The following RASSF9 variants were observed in gnomAD, a reference collection of about 807,000 sequenced individuals.
RASSF9 encodes Ras association domain family member 9.
In RASSF9, 18 loss-of-function variants were observed where a neutral mutation model predicts 21.4. That is an observed-to-expected ratio of 0.84 (90% CI 0.58 to 1.25). The LOEUF is 1.25. Among genes scored for constraint, RASSF9 ranks in the 50% most tolerant of loss-of-function variants. The pLI, the probability that RASSF9 is intolerant of heterozygous loss-of-function variation, is 0.00. For synonymous variants in RASSF9, 183 were observed against 179.1 expected (o/e 1.02, Z -0.18); for missense variants, 480 against 503.2 (o/e 0.95, Z 0.44).
chr12:85,827,895 T>A (rs181939819), intron 1 of RASSF9, among the ~76,000 whole-genome samples: 83 of 152,352 alleles, frequency 5.4e-4, no homozygotes, highest in Non-Finnish European at 4.0e-4. Context: ...TCTGTCCATC[T>A]ACCACTGCAT....
At chr12:85,824,716 C>A (rs1880293095) in intron 1 of RASSF9, among the ~76,000 whole-genome samples, 1 of 152,150 alleles carries the variant, frequency 6.6e-6, no homozygotes. Flanking sequence ...ATTGAGTTAG[C>A]CATTCCTTAC....
In RASSF9 at chr12:85,820,203, C is replaced by T. The variant is rs180724434; in HGVS notation, c.48-14241G>A. Among the ~76,000 whole-genome samples the T allele has an allele frequency of 3.9e-5, 6 of 152,228 alleles. No homozygotes were observed. In the East Asian group the frequency reaches 1.2e-3, roughly 29 times the overall value. Reference sequence around the variant, plus strand: ...AAACATATGACTCAAATTTCAGTGTCCATAAAGTTTTATTGAAAACCAGCC... The same window carrying T: ...AAACATATGACTCAAATTTCAGTGTTCATAAAGTTTTATTGAAAACCAGCC... On this transcript the variant is annotated intron_variant, in intron 1 of 1. Transcript: ENST00000361228.
At position 85,805,301 on chromosome 12, in the gene RASSF9, T is replaced by C; in HGVS notation, c.709A>G (p.Met237Val). 6.2e-7 allele frequency: 1 copy of C among 1,613,556 alleles called. No homozygotes were observed. Among genetic ancestry groups the C allele is most frequent in the Non-Finnish European group, 8.5e-7 (1 of 1,179,836 alleles). ...GENYVQDAYL[M>V]PSFSEVEQNL... ...TGCTCAACTTCACTGAAACTGGGCA[T>C]TAAATATGCATCCTGAACATAGTTT... Residue 237 changes from methionine (M) to valine (V), a missense_variant, in exon 2 of 2, where the codon ATG (methionine) becomes GTG (valine). Physicochemically the swap from Met to Val is conservative, Grantham distance 21. Transcript: ENST00000361228.
intron 1 of RASSF9, among the ~76,000 whole-genome samples, chr12:85,808,022 G>A (rs1459889027): frequency 6.6e-6 from 1 of 152,082 alleles, no homozygotes; most frequent in East Asian, 1.9e-4. Context: ...TATTTATATA[G>A]TGCACTCAAA....
At position 85,802,203 on chromosome 12, in the gene RASSF9, A is replaced by T. The variant is rs1284770022; in HGVS notation, c.*2499T>A. On this transcript the variant is annotated 3_prime_UTR_variant, in exon 2 of 2. Coordinates refer to ENST00000361228, the MANE Select transcript of RASSF9 (RefSeq NM_005447.4). Reference sequence around the variant, plus strand: ...AGAATTTATACTTTAACATTTCTATAGATAATAACATTACACTTTCTATCA... The same window carrying T: ...AGAATTTATACTTTAACATTTCTATTGATAATAACATTACACTTTCTATCA... 1 of 152,226 alleles carries T rather than the reference A, an allele frequency of 6.6e-6. No homozygotes were observed. Among genetic ancestry groups the T allele is most frequent in the Non-Finnish European group, 1.5e-5 (1 of 68,034 alleles). The allele number at this position is 152,226 out of a possible 1,614,324, so 9.4% of individuals were successfully genotyped here.
At chr12:85,806,395 G>A (rs1160978640) in intron 1 of RASSF9, among the ~76,000 whole-genome samples, 4 of 150,048 alleles carry the variant, frequency 2.7e-5, no homozygotes, top group Admixed American at 6.6e-5. Flanking sequence ...AAGATTGGCC[G>A]GGTGTGGTGG....
At chr12:85,825,972 T>C (rs1301988340) in intron 1 of RASSF9, among the ~76,000 whole-genome samples, 3 of 152,176 alleles carry the variant, frequency 2.0e-5, no homozygotes, top group African/African-American at 7.2e-5. Flanking sequence ...AACCAGTTTG[T>C]GTTTTGCCTT....
chr12:85,836,109 A>C lies in RASSF9; in HGVS notation c.47+46T>G. The stretch of plus-strand genomic sequence containing the variant: ...TCCAGAGTACACACACAAGACACAC[A>C]CACACACAGAGACACACACACACTT... On this transcript the variant is annotated intron_variant, in intron 1 of 1. Coordinates refer to ENST00000361228, the MANE Select transcript of RASSF9 (RefSeq NM_005447.4). 4 of 1,551,044 alleles carry C rather than the reference A, an allele frequency of 2.6e-6. No homozygotes were observed. The South Asian group carries it at 4.8e-5, about 18-fold the overall frequency.
At chr12:85,833,191 TCAACTAA>T (rs1880488258) in intron 1 of RASSF9, among the ~76,000 whole-genome samples, 1 of 151,862 alleles carries the variant, frequency 6.6e-6, no homozygotes, top group South Asian at 2.1e-4. Context: ...ATATTAAATA[TCAACTAA>T]CCCTTTAAAA....
At chr12:85,808,423 GAAGT>G (rs947726156) in intron 1 of RASSF9, among the ~76,000 whole-genome samples, 20 of 152,134 alleles carry the variant, frequency 1.3e-4, no homozygotes, top group Admixed American at 4.6e-4. Context: ...ATTATATTTT[GAAGT>G]AAGTATGATA....
At position 85,832,310 on chromosome 12, in the gene RASSF9, T is replaced by C. The variant is rs553654143; in HGVS notation, c.47+3845A>G. ...TGGTAATGTTATGCTTCTAGCAAGG[T>C]TTGGTGAAAGTACCAACCAATTCTC... On this transcript the variant is annotated intron_variant, in intron 1 of 1. Transcript: ENST00000361228. Among the ~76,000 whole-genome samples, 3 of 152,008 alleles carry C rather than the reference T, an allele frequency of 2.0e-5. No individual in the cohort carries two copies. The East Asian group carries it at 5.8e-4, about 29-fold the overall frequency.
chr12:85,826,353 G>A (rs1436799486), intron 1 of RASSF9, among the ~76,000 whole-genome samples: 1 of 151,816 alleles, frequency 6.6e-6, no homozygotes, highest in Non-Finnish European at 1.5e-5. Context: ...CGCCTCCATG[G>A]TGACTCTTGA....
At chr12:85,808,174 T>C (rs1879876703) in intron 1 of RASSF9, among the ~76,000 whole-genome samples, 1 of 151,404 alleles carries the variant, frequency 6.6e-6, no homozygotes, top group South Asian at 2.1e-4. Context: ...ATTAACTAAC[T>C]CTTATACTTT....
chr12:85,813,817 C>T (rs573968596), intron 1 of RASSF9, among the ~76,000 whole-genome samples: 2 of 151,724 alleles, frequency 1.3e-5, no homozygotes, highest in Admixed American at 6.6e-5. Context: ...GCTTCTAAAA[C>T]CCATTATATG....
chr12:85,823,225 C>G lies in RASSF9; in HGVS notation c.47+12930G>C, dbSNP rs143035633. Among the ~76,000 whole-genome samples the G allele has an allele frequency of 2.5e-3, 379 of 151,148 alleles. 3 individuals carry two copies. The highest frequency in any genetic ancestry group is 3.8e-3 in the Non-Finnish European group (259 of 67,744). ...AAAAAAAAAAAAAAAAAAATGTCTA[C>G]TGCCTCCACTCATCCTCAGTAGCCA... On this transcript the variant is annotated intron_variant, in intron 1 of 1. Transcript: ENST00000361228.
At chr12:85,826,279 G>C (rs191667840) in intron 1 of RASSF9, among the ~76,000 whole-genome samples, 3 of 152,096 alleles carry the variant, frequency 2.0e-5, no homozygotes, top group Non-Finnish European at 4.4e-5. Flanking sequence ...ATCTAGTCAC[G>C]AATGGTTCTT....
At chr12:85,807,654 C>A (rs1175478846) in intron 1 of RASSF9, among the ~76,000 whole-genome samples, 1 of 151,918 alleles carries the variant, frequency 6.6e-6, no homozygotes, top group Non-Finnish European at 1.5e-5. Flanking sequence ...CGGAGAGGCA[C>A]ACACATGTAT....
chr12:85,810,114 T>C (rs993228446), intron 1 of RASSF9, among the ~76,000 whole-genome samples: 3 of 151,984 alleles, frequency 2.0e-5, no homozygotes, highest in African/African-American at 7.2e-5. Context: ...CAATAAATCA[T>C]TCATAACTAT....
In RASSF9 at chr12:85,802,470, G is replaced by T. The variant is rs1879724646; in HGVS notation, c.*2232C>A. The T allele has an allele frequency of 6.6e-6, 1 of 152,126 alleles. No individual in the cohort carries two copies. The highest frequency in any genetic ancestry group is 2.4e-5 in the African/African-American group (1 of 41,432). The allele number at this position is 152,126 out of a possible 1,614,324, so 9.4% of individuals were successfully genotyped here. ...GGAAATTCTGAAATGAATTTAAAAA[G>T]CAATGGTACTGCTTTCTGAGACTTA... On this transcript the variant is annotated 3_prime_UTR_variant, in exon 2 of 2. Coordinates refer to ENST00000361228, the MANE Select transcript of RASSF9 (RefSeq NM_005447.4).
Sources: allele counts gnomAD v4.1 joint callset (sites outside exome capture counted in the v4.1 genomes callset), GRCh38; gene constraint gnomAD v4.1.1; transcripts MANE v1.5; gene names NCBI Gene and HGNC (gene_info 2026-07-23, HGNC 2026-07-21).